Variants in ZNF732 observed in about 807,000 individuals in gnomAD.
ZNF732 encodes zinc finger protein 732.
Under a neutral mutation model 11.5 loss-of-function variants are expected in ZNF732, and 12 were observed. The ratio of observed to expected loss-of-function variants is 1.05; its 90% CI spans 0.67 to 1.70. The LOEUF is 1.70. Ranked by LOEUF, ZNF732 falls within the 40% of genes most tolerant of loss-of-function variation. The pLI, the probability that ZNF732 is intolerant of heterozygous loss-of-function variation, is 0.00. For missense variants in ZNF732, 702 were observed against 676.9 expected (o/e 1.04, Z -0.41); for synonymous variants, 231 against 236.5 (o/e 0.98, Z 0.21).
At chr4:285,262 T>G (rs1553840484) in intron 3 of ZNF732, among the ~76,000 whole-genome samples, 1 of 152,188 alleles carries the variant, frequency 6.6e-6, no homozygotes, top group Non-Finnish European at 1.5e-5. Context: ...GAGAAAGGAC[T>G]GGTTACTGCT....
rs781958281 is a variant in ZNF732, at chr4:272,585, A to G, written c.272T>C (p.Ile91Thr). Residue 91 changes from isoleucine to threonine, a missense_variant, in exon 4 of 4, where the codon ATA becomes ACA. Physicochemically the swap from Ile to Thr is moderately conservative, Grantham distance 89 (BLOSUM62 -1). Transcript: ENST00000419098. ...FTQDFLPVQG[I>T]EDSFHKLILR... ...TATAAGTTTGTGGAACGAATCTTCTATCCCCTGCACTGGCAAAAAGTCTTG... is the reference window on the plus strand; with the variant it reads ...TATAAGTTTGTGGAACGAATCTTCTGTCCCCTGCACTGGCAAAAAGTCTTG... 26 of 1,578,982 alleles carry G rather than the reference A, an allele frequency of 1.6e-5. No homozygotes were observed. The highest frequency in any genetic ancestry group is 4.1e-5 in the African/African-American group (3 of 73,372).
chr4:275,683 CTAAA>C (rs555211757), intron 3 of ZNF732, among the ~76,000 whole-genome samples: 226 of 151,752 alleles, frequency 1.5e-3, no homozygotes, highest in African/African-American at 5.3e-3. Flanking sequence ...ATTTCTCTCA[CTAAA>C]TAAATTGAGA....
In ZNF732 at chr4:271,053, T is replaced by A; in HGVS notation, c.*46A>T. 1 of 1,394,648 alleles carries A rather than the reference T, an allele frequency of 7.2e-7. No homozygotes were observed. Among genetic ancestry groups the A allele is most frequent in the African/African-American group, 1.5e-5 (1 of 66,582 alleles). The allele number at this position is 1,394,648 out of a possible 1,614,324, so 86.4% of individuals were successfully genotyped here. ...CCAGTATAAATTTTCTTATGTTCATTCAGGTTTGTGGATCATCCAAAGGCT... is the reference window on the plus strand; with the variant it reads ...CCAGTATAAATTTTCTTATGTTCATACAGGTTTGTGGATCATCCAAAGGCT... On this transcript the variant is annotated 3_prime_UTR_variant, in exon 4 of 4. Transcript: ENST00000419098.
chr4:300,703 G>A (rs1378886433), intron 1 of ZNF732, among the ~76,000 whole-genome samples: 4 of 152,112 alleles, frequency 2.6e-5, no homozygotes, highest in Non-Finnish European at 2.9e-5. Flanking sequence ...GAGGGCTGGT[G>A]AGCTATGCAC....
chr4:287,641 A>C (rs533927629), intron 3 of ZNF732, among the ~76,000 whole-genome samples: 48 of 151,430 alleles, frequency 3.2e-4, no homozygotes, highest in African/African-American at 1.1e-3. Flanking sequence ...TTTGAAAAAT[A>C]TATATATATA....
intron 3 of ZNF732, among the ~76,000 whole-genome samples, chr4:281,594 A>G (rs1719622673): frequency 6.6e-6 from 1 of 152,222 alleles, no homozygotes; most frequent in Non-Finnish European, 1.5e-5. Context: ...AGGTCTGCCA[A>G]GCAGGAATTT....
In ZNF732 at chr4:304,286, C is replaced by T. The variant is rs550267816; in HGVS notation, c.3+1022G>A. Among the ~76,000 whole-genome samples the T allele has an allele frequency of 3.8e-4, 58 of 151,700 alleles. 2 individuals are homozygous for T. Among genetic ancestry groups the T allele is most frequent in the East Asian group, 2.7e-3 (14 of 5,124 alleles). ...AAGGGATGTTTCTCAGAACTCCTTT[C>T]CTCTAAGTTCCCAGTCCCTTCTCTC... is the stretch of plus-strand genomic sequence containing the variant. On this transcript the variant is annotated intron_variant, in intron 1 of 3. Transcript: ENST00000419098.
At chr4:276,138 T>C (rs1581532910) in intron 3 of ZNF732, among the ~76,000 whole-genome samples, 1 of 151,636 alleles carries the variant, frequency 6.6e-6, no homozygotes, top group East Asian at 1.9e-4. Context: ...TACAAATAAA[T>C]AGAGGGTAAA....
intron 1 of ZNF732, 95 bp downstream of exon 1, chr4:305,213 G>GAGACTCCGTTCGC (rs1411599246): frequency 1.3e-6 from 2 of 1,483,966 alleles, no homozygotes; most frequent in Non-Finnish European, 1.8e-6. Flanking sequence ...GGCGGCAGCG[G>GAGACTCCGTTCGC]AGACTCCGTT....
chr4:301,939 T>C (rs1422241833), intron 1 of ZNF732, among the ~76,000 whole-genome samples: 1 of 152,210 alleles, frequency 6.6e-6, no homozygotes, highest in African/African-American at 2.4e-5. Context: ...GTGATCCTGA[T>C]TGGGATTATG....
chr4:272,742 A>ACCACAGGCCATAATTTCT (rs1305223581), intron 3 of ZNF732, 112 bp from the exon 4 acceptor site: 1 of 1,009,566 alleles, frequency 9.9e-7, no homozygotes, highest in East Asian at 2.7e-5. Context: ...ATAACAAAAT[A>ACCACAGGCCATAATTTCT]CCACAGGCCA....
chr4:273,104 T>TG (rs1180023581), intron 3 of ZNF732, among the ~76,000 whole-genome samples: 2 of 152,126 alleles, frequency 1.3e-5, no homozygotes, highest in East Asian at 3.8e-4. Context: ...AAGGACAGGT[T>TG]GGGTCTGCTA....
chr4:274,511 A>G (rs78676359), intron 3 of ZNF732, among the ~76,000 whole-genome samples: 1 of 151,652 alleles, frequency 6.6e-6, no homozygotes, highest in African/African-American at 2.4e-5. Flanking sequence ...GAGTAAGTCT[A>G]TTTCAGCAAA....
At chr4:304,955 G>T (rs188372965) in intron 1 of ZNF732, among the ~76,000 whole-genome samples, 12 of 152,330 alleles carry the variant, frequency 7.9e-5, no homozygotes, top group Non-Finnish European at 1.3e-4. Flanking sequence ...ATAGGGCCTC[G>T]ATCTTATTCC....
At position 271,508 on chromosome 4, in the gene ZNF732, T is replaced by C. The variant is rs782021676; in HGVS notation, c.1349A>G (p.Glu450Gly). 8.1e-6 allele frequency: 13 copies of C among 1,611,484 alleles called. No individual in the cohort carries two copies. In the South Asian group the frequency reaches 1.4e-4, roughly 18 times the overall value. Residue 450 changes from glutamate (E) to glycine (G), a missense_variant, in exon 4 of 4, where the codon GAG (glutamate) becomes GGG (glycine). By Grantham distance (98) the Glu-to-Gly change is moderately conservative. Coordinates refer to ENST00000419098, the MANE Select transcript of ZNF732 (RefSeq NM_001137608.3). ...HTGEKPYKCE[E>G]CGKAFGWSAY... The stretch of plus-strand genomic sequence containing the variant: ...AGACCATCCAAAGGCTTTGCCACAC[T>C]CTTCACATTTGTAAGGTTTCTCTCC...
intron 1 of ZNF732, among the ~76,000 whole-genome samples, chr4:304,076 A>C (rs532755068): frequency 3.3e-5 from 5 of 152,260 alleles, no homozygotes; most frequent in Admixed American, 3.3e-4. Flanking sequence ...CTGGGGTTGA[A>C]ATGAGCCAGG....
chr4:293,296 A>ATG (rs1472535589), intron 3 of ZNF732, among the ~76,000 whole-genome samples: 3 of 146,896 alleles, frequency 2.0e-5, no homozygotes, highest in Admixed American at 6.9e-5. Flanking sequence ...ATATATATAT[A>ATG]TATGTGTGTG....
intron 3 of ZNF732, among the ~76,000 whole-genome samples, chr4:294,179 T>C (rs1287137680): frequency 2.6e-5 from 4 of 152,180 alleles, no homozygotes; most frequent in African/African-American, 9.7e-5. Flanking sequence ...TTTTTGTATT[T>C]TTAGTACAGA....
At chr4:285,179 G>A (rs1719705023) in intron 3 of ZNF732, among the ~76,000 whole-genome samples, 1 of 151,996 alleles carries the variant, frequency 6.6e-6, no homozygotes, top group African/African-American at 2.4e-5. Flanking sequence ...AAGAGTGTTT[G>A]TGAGGGAAAA....
Sources: gnomAD v4.1 joint callset for allele counts (sites outside exome capture counted in the v4.1 genomes callset) on GRCh38, gnomAD v4.1.1 for gene constraint, MANE v1.5 for transcripts, NCBI Gene and HGNC (gene_info 2026-07-23, HGNC 2026-07-21) for gene names.